Variants in NEK11 observed in about 807,000 individuals in gnomAD.
NEK11 encodes the protein NIMA related kinase 11, also known as serine/threonine-protein kinase Nek11.
A neutral mutation model predicts 80.7 loss-of-function variants in NEK11; 72 were observed. The ratio of observed to expected loss-of-function variants is 0.89; its 90% CI spans 0.74 to 1.08. The LOEUF (loss-of-function observed/expected upper bound fraction) is 1.08, where lower values mean the gene tolerates loss of function less well. NEK11 is among the 50% of genes least tolerant of loss of function. The pLI, the probability that NEK11 is intolerant of heterozygous loss-of-function variation, is 0.00. For missense variants in NEK11, 764 were observed against 763.6 expected (o/e 1.00, Z -0.01); for synonymous variants, 251 against 260.7 (o/e 0.96, Z 0.36).
chr3:131,129,823 G>A (rs939479736), intron 5 of NEK11, among the ~76,000 whole-genome samples: 1 of 152,028 alleles, frequency 6.6e-6, no homozygotes, highest in African/African-American at 2.4e-5. Flanking sequence ...ATACTGTACT[G>A]TCTTAATTAC....
intron 17 of NEK11, 49 bp from the exon 18 acceptor site, chr3:131,349,508 G>A: frequency 6.9e-7 from 1 of 1,441,752 alleles, no homozygotes; most frequent in Non-Finnish European, 9.6e-7. Context: ...TTTCCTGCAG[G>A]TGATCTTAAT....
chr3:131,228,432 C>A, intron 14 of NEK11, 96 bp from the exon 15 acceptor site: 1 of 1,136,448 alleles, frequency 8.8e-7, no homozygotes, highest in Non-Finnish European at 1.2e-6. Flanking sequence ...TTTGTCAACG[C>A]AAGCAAAATA....
At chr3:131,297,438 T>C (rs1228692540) in intron 17 of NEK11, among the ~76,000 whole-genome samples, 5 of 151,874 alleles carry the variant, frequency 3.3e-5, no homozygotes, top group South Asian at 2.1e-4. Context: ...TTTCATGTGT[T>C]TTTTGGCTGC....
chr3:131,337,931 G>T (rs2097215172), intron 17 of NEK11, among the ~76,000 whole-genome samples: 1 of 152,192 alleles, frequency 6.6e-6, no homozygotes, highest in South Asian at 2.1e-4. Flanking sequence ...GATATCAAGT[G>T]CTTGGCATAA....
chr3:131,204,463 C>G (rs1253634041), intron 14 of NEK11, among the ~76,000 whole-genome samples: 1 of 152,064 alleles, frequency 6.6e-6, no homozygotes, highest in Non-Finnish European at 1.5e-5. Context: ...GGACTGAGCT[C>G]TCAACCTGTG....
chr3:131,210,083 C>G (rs1174350298), intron 14 of NEK11, among the ~76,000 whole-genome samples: 3 of 152,154 alleles, frequency 2.0e-5, no homozygotes, highest in Non-Finnish European at 2.9e-5. Context: ...GTTAAGGTGT[C>G]AATTTTAGAT....
chr3:131,258,160 CA>C (rs747278628), intron 16 of NEK11, among the ~76,000 whole-genome samples: 6 of 147,330 alleles, frequency 4.1e-5, no homozygotes, highest in African/African-American at 5.1e-5. Context: ...TCTGGGGACT[CA>C]GGGGGAAGGG....
chr3:131,173,814 T>C (rs1165609385), intron 14 of NEK11, among the ~76,000 whole-genome samples: 1 of 152,134 alleles, frequency 6.6e-6, no homozygotes, highest in Admixed American at 6.6e-5. Flanking sequence ...TTGTCTTTTG[T>C]CATGGAGGTT....
chr3:131,282,740 A>ATATCTTGAC (rs2096416077), intron 17 of NEK11, among the ~76,000 whole-genome samples: 1 of 152,218 alleles, frequency 6.6e-6, no homozygotes, highest in African/African-American at 2.4e-5. Context: ...AGAACATGAG[A>ATATCTTGAC]AGTCCATGAT....
intron 4 of NEK11, chr3:131,092,776 A>T (rs934650572): frequency 6.6e-6 from 1 of 152,214 alleles, no homozygotes; most frequent in African/African-American, 2.4e-5. Flanking sequence ...GCCCATTTAG[A>T]GTGATTTAAG....
At chr3:131,133,169 T>C (rs2084843124) in intron 6 of NEK11, 11 of 436,242 alleles carry the variant, frequency 2.5e-5, no homozygotes, top group South Asian at 1.7e-4. Flanking sequence ...AGGTTTCTCA[T>C]TTATATTATT....
At chr3:131,201,522 T>C in intron 14 of NEK11, among the ~76,000 whole-genome samples, 1 of 152,332 alleles carries the variant, frequency 6.6e-6, no homozygotes, top group Non-Finnish European at 1.5e-5. Context: ...ATGTTCTCTC[T>C]GACAGAAATG....
intron 7 of NEK11, among the ~76,000 whole-genome samples, chr3:131,139,582 T>A (rs1027326216): frequency 4.6e-5 from 7 of 152,180 alleles, no homozygotes; most frequent in Non-Finnish European, 1.5e-5. Context: ...TAATAAATGA[T>A]GTGGCAAATT....
chr3:131,173,064 C>A lies in NEK11; in HGVS notation c.1399+2177C>A, dbSNP rs372342362. Among the ~76,000 whole-genome samples, 9 of 152,274 alleles carry A rather than the reference C, an allele frequency of 5.9e-5. No homozygotes were observed. The South Asian group carries it at 1.9e-3, about 32-fold the overall frequency. ...ATCCTCAGTTCTGGGAGTTTCCCAC[C>A]CCTTTCCTGGAAAACTCATGAATAA... On this transcript the variant is annotated intron_variant, in intron 14 of 17. Coordinates refer to ENST00000383366, the MANE Select transcript of NEK11 (RefSeq NM_024800.5).
intron 17 of NEK11, among the ~76,000 whole-genome samples, chr3:131,306,531 C>T (rs1157329096): frequency 6.6e-6 from 1 of 152,126 alleles, no homozygotes; most frequent in African/African-American, 2.4e-5. Context: ...TGGGCTAGAG[C>T]TGGTTATTTT....
intron 10 of NEK11, among the ~76,000 whole-genome samples, 179 bp from the exon 11 acceptor site, chr3:131,162,229 G>A (rs1444955227): frequency 6.6e-6 from 1 of 152,286 alleles, no homozygotes; most frequent in African/African-American, 2.4e-5. Flanking sequence ...GAAAAATGTT[G>A]CTTATTAACT....
At chr3:131,263,086 G>A (rs187563466) in intron 16 of NEK11, among the ~76,000 whole-genome samples, 44 of 152,060 alleles carry the variant, frequency 2.9e-4, no homozygotes, top group Admixed American at 2.8e-3. Flanking sequence ...TGTACACAAT[G>A]TGCAGGTTTG....
chr3:131,329,890 A>T (rs1250442390), intron 17 of NEK11: 1 of 152,288 alleles, frequency 6.6e-6, no homozygotes, highest in Non-Finnish European at 1.5e-5. Flanking sequence ...TGGATATTGT[A>T]TACCACTGGA....
chr3:131,110,574 T>C (rs2079945801), intron 5 of NEK11, among the ~76,000 whole-genome samples: 2 of 152,152 alleles, frequency 1.3e-5, no homozygotes, highest in Admixed American at 1.3e-4. Context: ...TTAAATATTT[T>C]AGAGACCCAT....
Sources: allele counts gnomAD v4.1 joint callset (sites outside exome capture counted in the v4.1 genomes callset), GRCh38; gene constraint gnomAD v4.1.1; transcripts MANE v1.5; gene names NCBI Gene and HGNC (gene_info 2026-07-23, HGNC 2026-07-21).